STT3B: variants seen among roughly 807,000 people sequenced by gnomAD.
The protein encoded by STT3B is dolichyl-diphosphooligosaccharide--protein glycosyltransferase subunit STT3B.
In STT3B, 29 loss-of-function variants were observed where a neutral mutation model predicts 96.8. The observed-to-expected ratio is 0.30, with a 90% confidence interval of 0.22 to 0.41. STT3B has a LOEUF of 0.41. Ranked by LOEUF, STT3B falls within the 10% of genes least tolerant of loss-of-function variation. The pLI, the probability that STT3B is intolerant of heterozygous loss-of-function variation, is 1.00. For missense variants in STT3B, 640 were observed against 1,022.3 expected (o/e 0.63, Z 5.10); for synonymous variants, 367 against 360.0 (o/e 1.02, Z -0.22).
intron 5 of STT3B, among the ~76,000 whole-genome samples, chr3:31,608,995 G>A (rs184504575): frequency 2.5e-3 from 384 of 152,154 alleles, no homozygotes; most frequent in African/African-American, 9.0e-3. Context: ...TGCACCTGTA[G>A]TCCCAGCTAC....
chr3:31,580,637 A>G (rs1038421837), intron 3 of STT3B, among the ~76,000 whole-genome samples: 2 of 152,082 alleles, frequency 1.3e-5, no homozygotes, highest in African/African-American at 4.8e-5. Context: ...GTTTTTGTAT[A>G]TTTTATTAAG....
chr3:31,586,373 C>T (rs1698535474), intron 3 of STT3B, among the ~76,000 whole-genome samples: 1 of 151,984 alleles, frequency 6.6e-6, no homozygotes, highest in Non-Finnish European at 1.5e-5. Flanking sequence ...TCTCTAGTCT[C>T]TTCCTAAGAG....
Position 31,616,978 on chromosome 3 carries a change from C to T in STT3B, c.1026C>T (p.Asp342=), listed in dbSNP as rs894615290. ...ATGCTTTCTTGCAGTATCTGAGAGA[C>T]CGATTAACAAAACAAGAGTTCCAGA... ...QAYAFLQYLR[D]RLTKQEFQTL... is the part of the protein sequence containing the mutation. Residue 342 remains aspartate, a synonymous_variant, in exon 7 of 16, where the codon GAC becomes GAT. Transcript: ENST00000295770. 4 of 1,612,268 alleles carry T rather than the reference C, an allele frequency of 2.5e-6. No individual in the cohort carries two copies. Among genetic ancestry groups the T allele is most frequent in the Admixed American group, 3.3e-5 (2 of 60,002 alleles).
At chr3:31,589,876 T>C (rs1340944227) in intron 3 of STT3B, among the ~76,000 whole-genome samples, 2 of 151,984 alleles carry the variant, frequency 1.3e-5, no homozygotes, top group African/African-American at 2.4e-5. Flanking sequence ...TAACATCACG[T>C]TGGACAGGGT....
intron 1 of STT3B, among the ~76,000 whole-genome samples, chr3:31,549,496 A>C (rs754420103): frequency 1.3e-5 from 2 of 151,560 alleles, no homozygotes; most frequent in Non-Finnish European, 2.9e-5. Flanking sequence ...TGAGTTTATT[A>C]GTTGTCCAAC....
chr3:31,566,916 G>C (rs527295878), intron 1 of STT3B, among the ~76,000 whole-genome samples: 1 of 152,246 alleles, frequency 6.6e-6, no homozygotes, highest in Non-Finnish European at 1.5e-5. Flanking sequence ...GTTGCTCAAG[G>C]AGTTTTTTGA....
intron 1 of STT3B, among the ~76,000 whole-genome samples, chr3:31,572,799 T>G (rs904570860): frequency 7.9e-5 from 12 of 152,188 alleles, no homozygotes; most frequent in Non-Finnish European, 1.5e-5. Context: ...AGGCTGAAGC[T>G]GCAGCTGTGA....
chr3:31,594,352 G>A (rs899671465), intron 3 of STT3B, among the ~76,000 whole-genome samples: 5 of 151,862 alleles, frequency 3.3e-5, no homozygotes, highest in South Asian at 2.1e-4. Context: ...CCCAGCTTAT[G>A]CCCCCAGACA....
intron 1 of STT3B, among the ~76,000 whole-genome samples, chr3:31,561,267 A>C (rs1697870719): frequency 6.6e-6 from 1 of 151,278 alleles, no homozygotes; most frequent in Non-Finnish European, 1.5e-5. Context: ...TTTTTTTTCA[A>C]AATTTTTTAT....
intron 4 of STT3B, among the ~76,000 whole-genome samples, chr3:31,599,051 C>G (rs936888873): frequency 6.6e-6 from 1 of 152,190 alleles, no homozygotes; most frequent in East Asian, 1.9e-4. Context: ...TCAGGTGATC[C>G]GCCTGCCTCG....
intron 5 of STT3B, among the ~76,000 whole-genome samples, chr3:31,607,129 C>G (rs1293631578): frequency 6.6e-6 from 1 of 152,138 alleles, no homozygotes; most frequent in African/African-American, 2.4e-5. Flanking sequence ...TAGGAAGTAA[C>G]TAACTTGCTT....
At chr3:31,566,587 C>T (rs1698012852) in intron 1 of STT3B, among the ~76,000 whole-genome samples, 1 of 152,140 alleles carries the variant, frequency 6.6e-6, no homozygotes, top group Admixed American at 6.5e-5. Context: ...GGCCTTTGCA[C>T]TTGATAGTTT....
chr3:31,632,273 A>G (rs1699678481), intron 14 of STT3B, among the ~76,000 whole-genome samples: 1 of 152,176 alleles, frequency 6.6e-6, no homozygotes, highest in Admixed American at 6.5e-5. Flanking sequence ...CACTTTCAGA[A>G]TGTAGTATCT....
intron 1 of STT3B, among the ~76,000 whole-genome samples, chr3:31,534,720 A>G (rs1437782148): frequency 6.6e-6 from 1 of 152,208 alleles, no homozygotes; most frequent in Non-Finnish European, 1.5e-5. Context: ...CTCATGGACA[A>G]TTCAATTTAG....
At chr3:31,588,042 GTAGATCA>G (rs1231140379) in intron 3 of STT3B, among the ~76,000 whole-genome samples, 5 of 152,148 alleles carry the variant, frequency 3.3e-5, no homozygotes, top group African/African-American at 1.2e-4. Context: ...TTACTATTTT[GTAGATCA>G]TCTAGAATTT....
intron 15 of STT3B, 72 bp from the exon 16 acceptor site, chr3:31,635,912 C>A: frequency 9.0e-7 from 1 of 1,114,920 alleles, no homozygotes. Flanking sequence ...TTCAGTAAAC[C>A]ATGTGTGTGT....
chr3:31,549,457 T>A (rs1054641809), intron 1 of STT3B, among the ~76,000 whole-genome samples: 1 of 152,140 alleles, frequency 6.6e-6, no homozygotes, highest in African/African-American at 2.4e-5. Context: ...CCACCGAGAC[T>A]GTCCTCAGAA....
chr3:31,617,446 C>A (rs974596930), intron 7 of STT3B, among the ~76,000 whole-genome samples: 1 of 151,836 alleles, frequency 6.6e-6, no homozygotes, highest in African/African-American at 2.4e-5. Flanking sequence ...ACCCTCTAAC[C>A]TTTATTTACC....
intron 1 of STT3B, among the ~76,000 whole-genome samples, chr3:31,575,019 T>C (rs562557226): frequency 3.3e-5 from 5 of 152,150 alleles, no homozygotes; most frequent in Non-Finnish European, 7.4e-5. Flanking sequence ...AATTTTGCCA[T>C]TCAAAATCTT....
Sources: gnomAD v4.1 joint callset for allele counts (sites outside exome capture counted in the v4.1 genomes callset) on GRCh38, gnomAD v4.1.1 for gene constraint, MANE v1.5 for transcripts, NCBI Gene and HGNC (gene_info 2026-07-23, HGNC 2026-07-21) for gene names.